The following IGDCC4 variants were observed in gnomAD, a reference collection of about 807,000 sequenced individuals.
IGDCC4 encodes likely ortholog of mouse neighbor of Punc E11.
Under a neutral mutation model 116.6 loss-of-function variants are expected in IGDCC4, and 72 were observed. That is an observed-to-expected ratio of 0.62 (90% CI 0.51 to 0.75). The LOEUF is 0.75. IGDCC4 is among the 30% of genes least tolerant of loss of function. IGDCC4 has a pLI of 0.00. For synonymous variants in IGDCC4, 709 were observed against 719.9 expected, an observed-to-expected ratio of 0.98 and a Z score of 0.24; for missense variants, 1,501 against 1,662.4, an observed-to-expected ratio of 0.90 and a Z score of 1.69.
At position 65,392,372 on chromosome 15, in the gene IGDCC4, T is replaced by A; in HGVS notation, c.1886-2A>T. On this transcript the variant is annotated splice_acceptor_variant, in intron 10 of 19. Coordinates refer to ENST00000352385, the MANE Select transcript of IGDCC4 (RefSeq NM_020962.3). LOFTEE classifies it high-confidence loss of function. ...TCAACTCTGCAGGGGCAAAAGGGAC[T>A]GGGGGGCAGAGGAGCAGGATGGGAA... 1 of 1,510,864 alleles carries A rather than the reference T, an allele frequency of 6.6e-7. No individual in the cohort carries two copies. Among genetic ancestry groups the A allele is most frequent in the Non-Finnish European group, 8.9e-7 (1 of 1,127,430 alleles). 93.6% of individuals were successfully genotyped at this position (1,510,864 alleles called of 1,614,324 possible).
chr15:65,384,011 A>ATGG lies in IGDCC4; in HGVS notation c.3750_3751insCCA. ...CAAACCACATCCTCTGGGAAGAGCT[A>ATGG]GGCAGAGGAGGAGACCGGGGATCTG... On this transcript the variant is annotated inframe_insertion, in exon 20 of 20. Coordinates refer to ENST00000352385, the MANE Select transcript of IGDCC4 (RefSeq NM_020962.3). This position sits in a 1 kb window ranked among gnomAD's most constrained non-coding sequence, Gnocchi z 4.9. The ATGG allele has an allele frequency of 6.3e-7, 1 of 1,585,318 alleles. No individual in the cohort carries two copies. The highest frequency in any genetic ancestry group is 8.6e-7 in the Non-Finnish European group (1 of 1,160,952).
intron 11 of IGDCC4, 31 bp downstream of exon 11, chr15:65,392,103 C>T: frequency 6.7e-7 from 1 of 1,495,584 alleles, no homozygotes; most frequent in Non-Finnish European, 9.2e-7. Context: ...AAGCTACATC[C>T]CTCCCTCCCC....
At chr15:65,389,444 A>C in intron 13 of IGDCC4, 33 bp from the exon 14 acceptor site, 1 of 1,614,052 alleles carries the variant, frequency 6.2e-7, no homozygotes, top group Non-Finnish European at 8.5e-7. Context: ...TAGTGCTCTC[A>C]GGCACACTCT....
intron 1 of IGDCC4, among the ~76,000 whole-genome samples, chr15:65,417,007 G>A (rs1340000173): frequency 6.6e-6 from 1 of 152,180 alleles, no homozygotes; most frequent in Non-Finnish European, 1.5e-5. Context: ...GTAGCTGGGG[G>A]AGGGGAACAA....
intron 1 of IGDCC4, among the ~76,000 whole-genome samples, chr15:65,422,306 C>G (rs1379322623): frequency 6.6e-6 from 1 of 152,126 alleles, no homozygotes; most frequent in Non-Finnish European, 1.5e-5. Context: ...AATATTAGCT[C>G]AGCCCCATAA....
intron 3 of IGDCC4, among the ~76,000 whole-genome samples, chr15:65,408,795 C>T (rs1303970547): frequency 6.7e-6 from 1 of 150,154 alleles, no homozygotes; most frequent in East Asian, 2.0e-4. Context: ...CTCTGAGGAC[C>T]AGTGGGGCTA....
intron 1 of IGDCC4, among the ~76,000 whole-genome samples, chr15:65,420,543 G>A (rs1039595565): frequency 6.6e-6 from 1 of 152,106 alleles, no homozygotes; most frequent in Non-Finnish European, 1.5e-5. Flanking sequence ...AACCTTGGTG[G>A]GCCCTGTAAA....
At chr15:65,390,722 GGTT>G (rs538181638) in intron 12 of IGDCC4, among the ~76,000 whole-genome samples, 246 of 152,014 alleles carry the variant, frequency 1.6e-3, no homozygotes, top group African/African-American at 5.9e-3. Flanking sequence ...TACCTCATGG[GGTT>G]GTTATGAGGA....
chr15:65,384,065 A>G lies in IGDCC4; in HGVS notation c.3697T>C (p.Cys1233Arg). 1 of 1,613,290 alleles carries G rather than the reference A, an allele frequency of 6.2e-7. No homozygotes were observed. The highest frequency in any genetic ancestry group is 8.5e-7 in the Non-Finnish European group (1 of 1,179,488). Reference sequence around the variant, plus strand: ...AGGCCTGGGCTGGCTCCTAGAGGGCAGGGGGATTTGAGCTGGCAGCTATCT... The same window carrying G: ...AGGCCTGGGCTGGCTCCTAGAGGGCGGGGGGATTTGAGCTGGCAGCTATCT... ...PGDSCQLKSPCPLGASPGLPR... is the reference protein window; with the variant it reads ...PGDSCQLKSPRPLGASPGLPR... The change falls in exon 20 of 20, where the codon TGC (cysteine) becomes CGC (arginine). Residue 1233 changes from cysteine (C) to arginine (R), a missense_variant. By Grantham distance (180) the Cys-to-Arg change is radical. Around this residue, in one of 3 missense-constraint regions of IGDCC4, gnomAD observed 368 missense variants for 355.6 expected, o/e 1.03. Coordinates refer to ENST00000352385, the MANE Select transcript of IGDCC4 (RefSeq NM_020962.3). This position sits in a 1 kb window ranked among gnomAD's most constrained non-coding sequence, Gnocchi z 4.9.
intron 13 of IGDCC4, 104 bp downstream of exon 13, chr15:65,390,051 G>C: frequency 9.6e-7 from 1 of 1,039,274 alleles, no homozygotes; most frequent in Non-Finnish European, 1.4e-6. Context: ...ACATGTTCCT[G>C]AATCCCAGGG....
chr15:65,391,474 G>A (rs1048467175), intron 12 of IGDCC4, among the ~76,000 whole-genome samples: 46 of 152,202 alleles, frequency 3.0e-4, no homozygotes, highest in Admixed American at 2.3e-3. Flanking sequence ...TCAGTTTCCC[G>A]TTAGGTCACA....
At chr15:65,396,774 C>G in intron 6 of IGDCC4, 60 bp downstream of exon 6, 1 of 1,534,700 alleles carries the variant, frequency 6.5e-7, no homozygotes, top group Non-Finnish European at 8.8e-7. Context: ...TCCACCTCCC[C>G]CTGCTCTATT....
intron 18 of IGDCC4, among the ~76,000 whole-genome samples, 165 bp from the exon 19 acceptor site, chr15:65,385,280 C>T (rs1431866390): frequency 6.6e-6 from 1 of 152,184 alleles, no homozygotes; most frequent in Non-Finnish European, 1.5e-5. Context: ...CGAAAGGGCT[C>T]AGAGTCAGCG....
chr15:65,401,043 G>A (rs1725239591), intron 4 of IGDCC4, 97 bp from the exon 5 acceptor site: 5 of 1,500,364 alleles, frequency 3.3e-6, no homozygotes, highest in African/African-American at 1.4e-5. Flanking sequence ...GGTGGTACCG[G>A]GGACAGCAGC....
intron 3 of IGDCC4, among the ~76,000 whole-genome samples, chr15:65,406,607 TGA>T (rs879544137): frequency 6.6e-6 from 1 of 152,208 alleles, no homozygotes; most frequent in Non-Finnish European, 1.5e-5. Context: ...ACCACTGGGC[TGA>T]GTTTATGAAT....
At position 65,401,039 on chromosome 15, in the gene IGDCC4, A is replaced by G. The variant is rs1017208695; in HGVS notation, c.701-93T>C. ...TCTCACAGTAACCTGGTGAGGTGGT[A>G]CCGGGGACAGCAGCAATGATTCCAT... On this transcript the variant is annotated intron_variant, in intron 4 of 19. Coordinates refer to ENST00000352385, the MANE Select transcript of IGDCC4 (RefSeq NM_020962.3). The G allele has an allele frequency of 5.3e-6, 8 of 1,518,458 alleles. No individual in the cohort carries two copies. In the African/African-American group the frequency reaches 9.6e-5, roughly 18 times the overall value. The allele number at this position is 1,518,458 out of a possible 1,614,324, so 94.1% of individuals were successfully genotyped here. A position where few individuals can be genotyped will look rare whatever the true frequency, so the allele number is the denominator to read the frequency against.
At chr15:65,406,293 C>A (rs1237558106) in intron 3 of IGDCC4, among the ~76,000 whole-genome samples, 3 of 151,984 alleles carry the variant, frequency 2.0e-5, no homozygotes, top group South Asian at 4.1e-4. Flanking sequence ...TACGAAAGAG[C>A]GAGTTGATGT....
intron 7 of IGDCC4, 143 bp downstream of exon 7, chr15:65,395,607 G>A: frequency 8.0e-6 from 7 of 875,004 alleles, no homozygotes; most frequent in Non-Finnish European, 1.1e-5. Context: ...TACTTATGCG[G>A]GTCTCTCCTA....
intron 4 of IGDCC4, 61 bp from the exon 5 acceptor site, chr15:65,401,007 A>G: frequency 6.2e-7 from 1 of 1,605,988 alleles, no homozygotes; most frequent in Non-Finnish European, 8.5e-7. Flanking sequence ...GCGATACCTC[A>G]CCTGAGTCTC....
Sources: gnomAD v4.1 joint callset for allele counts (sites outside exome capture counted in the v4.1 genomes callset) on GRCh38, gnomAD v4.1.1 for gene constraint, gnomAD v4.1.1 regional missense constraint, Gnocchi (gnomAD v3.1) non-coding constraint, MANE v1.5 for transcripts, NCBI Gene and HGNC (gene_info 2026-07-23, HGNC 2026-07-21) for gene names.